Variants in SARM1 observed in about 807,000 individuals in gnomAD.
SARM1 encodes NAD(+) hydrolase SARM1.
In SARM1, 60 loss-of-function variants were observed where a neutral mutation model predicts 65.1. The ratio of observed to expected loss-of-function variants is 0.92; its 90% CI spans 0.75 to 1.14. SARM1 has a LOEUF of 1.14. Ranked by LOEUF, SARM1 falls within the 50% of genes most tolerant of loss-of-function variation. The probability of loss-of-function intolerance (pLI) is 0.00; values close to 1 mark genes in which losing one functional copy is unlikely to be tolerated. For synonymous variants in SARM1, 417 were observed against 465.4 expected (o/e 0.90, Z 1.34); for missense variants, 913 against 1,015.7 (o/e 0.90, Z 1.37).
rs1406088943 is a variant in SARM1, at chr17:28,372,582, C to A, written c.470+80C>A. 1.7e-6 allele frequency: 2 copies of A among 1,144,292 alleles called. No homozygotes were observed. The highest frequency in any genetic ancestry group is 2.7e-5 in the Admixed American group (1 of 37,230). 70.9% of individuals were successfully genotyped at this position (1,144,292 alleles called of 1,614,324 possible). A position where few individuals can be genotyped will look rare whatever the true frequency, so the allele number is the denominator to read the frequency against. On this transcript the variant is annotated intron_variant, in intron 1 of 8. Transcript: ENST00000585482. This position sits in a 1 kb window ranked among gnomAD's most constrained non-coding sequence, Gnocchi z 5.2. ...GCCTGCGTTCCCGTGTGCCTTGCGC[C>A]GTGCCTTTGCCTCCCTCACCTCTCT... is the stretch of plus-strand genomic sequence containing the variant.
At position 28,396,796 on chromosome 17, in the gene SARM1, T is replaced by G; in HGVS notation, c.*510T>G. On this transcript the variant is annotated 3_prime_UTR_variant, in exon 9 of 9. Coordinates refer to ENST00000585482, the MANE Select transcript of SARM1 (RefSeq NM_015077.4). Reference sequence around the variant, plus strand: ...TGTGCCTGGCCCCTGCACTTACAACTTCCTGCCGCTCTGTGGCCTTGCCCT... The same window carrying G: ...TGTGCCTGGCCCCTGCACTTACAACGTCCTGCCGCTCTGTGGCCTTGCCCT... 1 of 156,764 alleles carries G rather than the reference T, an allele frequency of 6.4e-6. No individual in the cohort carries two copies. Among genetic ancestry groups the G allele is most frequent in the Non-Finnish European group, 1.4e-5 (1 of 70,924 alleles). 9.7% of individuals were successfully genotyped at this position (156,764 alleles called of 1,614,324 possible).
chr17:28,395,819 G>A, intron 7 of SARM1, 86 bp from the exon 8 acceptor site: 1 of 1,542,044 alleles, frequency 6.5e-7, no homozygotes, highest in South Asian at 1.1e-5. Context: ...CCAGCCTCGG[G>A]CCAGTGGGCC....
In SARM1 at chr17:28,399,574, G is replaced by T; in HGVS notation, c.*3288G>T. The T allele has an allele frequency of 6.9e-7, 1 of 1,439,614 alleles. No individual in the cohort carries two copies. The highest frequency in any genetic ancestry group is 9.7e-7 in the Non-Finnish European group (1 of 1,025,720). The allele number at this position is 1,439,614 out of a possible 1,614,324, so 89.2% of individuals were successfully genotyped here. A position where few individuals can be genotyped will look rare whatever the true frequency, so the allele number is the denominator to read the frequency against. On this transcript the variant is annotated 3_prime_UTR_variant, in exon 9 of 9. Transcript: ENST00000585482. ...AGACAAGAGTTGCTTGTCCTGCTGT[G>T]GGCTGGGCTTCCAGCTGCAGACCTC...
At position 28,372,069 on chromosome 17, in the gene SARM1, T is replaced by C; in HGVS notation, c.37T>C (p.Cys13Arg). 2 of 1,501,600 alleles carry C rather than the reference T, an allele frequency of 1.3e-6. No homozygotes were observed. Among genetic ancestry groups the C allele is most frequent in the Non-Finnish European group, 1.8e-6 (2 of 1,131,774 alleles). 93.0% of individuals were successfully genotyped at this position (1,501,600 alleles called of 1,614,324 possible). A position where few individuals can be genotyped will look rare whatever the true frequency, so the allele number is the denominator to read the frequency against. ...LTLLLSAYKLCRFFAMSGPRP... is the reference protein window; with the variant it reads ...LTLLLSAYKLRRFFAMSGPRP... ...GCTGCTTCTCTCCGCCTACAAGCTG[T>C]GTCGCTTCTTCGCCATGTCGGGCCC... The change falls in exon 1 of 9, where the codon TGT becomes CGT. Residue 13 changes from cysteine (C) to arginine (R), a missense_variant. This residue lies in a region of SARM1 where 39 missense variants were observed against 32.0 expected (regional missense o/e 1.22). Coordinates refer to ENST00000585482, the MANE Select transcript of SARM1 (RefSeq NM_015077.4). This position sits in a 1 kb window ranked among gnomAD's most constrained non-coding sequence, Gnocchi z 5.2.
chr17:28,381,494 C>T lies in SARM1; in HGVS notation c.762C>T (p.Leu254=). Residue 254 remains leucine (L), a synonymous_variant, in exon 2 of 9, where the codon CTC becomes CTT. Coordinates refer to ENST00000585482, the MANE Select transcript of SARM1 (RefSeq NM_015077.4). Reference sequence around the variant, plus strand: ...TAGAGAAGCGCGCAGCCGAGTGGCTCTTCCCGCTCGCCTTCTCCAAGGAGG... The same window carrying T: ...TAGAGAAGCGCGCAGCCGAGTGGCTTTTCCCGCTCGCCTTCTCCAAGGAGG... ...RMVEKRAAEW[L]FPLAFSKEDE... The T allele has an allele frequency of 1.3e-6, 2 of 1,556,432 alleles. No homozygotes were observed. The highest frequency in any genetic ancestry group is 1.2e-5 in the South Asian group (1 of 84,424).
intron 7 of SARM1, chr17:28,395,697 G>A (rs886052738): frequency 1.8e-6 from 1 of 560,820 alleles, no homozygotes. Context: ...AAGGGTTTTA[G>A]CAGCTCTGTG....
At chr17:28,375,656 CA>C (rs2067984883) in intron 1 of SARM1, among the ~76,000 whole-genome samples, 1 of 148,948 alleles carries the variant, frequency 6.7e-6, no homozygotes, top group Non-Finnish European at 1.5e-5. Context: ...AGTGGAAAAG[CA>C]CACAAAAGGT....
Position 28,400,433 on chromosome 17 carries a change from G to T in SARM1, c.*4147G>T. Reference sequence around the variant, plus strand: ...CCACCTAGCTCGCCATCTCGCCCTTGGAAAATGGCTCCTGGAGGATTAGGC... The same window carrying T: ...CCACCTAGCTCGCCATCTCGCCCTTTGAAAATGGCTCCTGGAGGATTAGGC... On this transcript the variant is annotated 3_prime_UTR_variant, in exon 9 of 9. Transcript: ENST00000585482. 1 of 754,464 alleles carries T rather than the reference G, an allele frequency of 1.3e-6. No homozygotes were observed. Among genetic ancestry groups the T allele is most frequent in the Non-Finnish European group, 2.1e-6 (1 of 478,332 alleles). 46.7% of individuals were successfully genotyped at this position (754,464 alleles called of 1,614,324 possible).
chr17:28,373,255 C>T (rs2067968750), intron 1 of SARM1: 1 of 152,248 alleles, frequency 6.6e-6, no homozygotes. Flanking sequence ...CTGGTTGCCA[C>T]TCTTGCATGT....
At position 28,383,424 on chromosome 17, in the gene SARM1, C is replaced by T. The variant is rs535350494; in HGVS notation, c.1090-933C>T. ...GCTATGTTAGGGGGGTCTCTGGGGC[C>T]TCTTTCAACATCCAGTGTTCTAGGA... is the stretch of plus-strand genomic sequence containing the variant. On this transcript the variant is annotated intron_variant, in intron 2 of 8. Coordinates refer to ENST00000585482, the MANE Select transcript of SARM1 (RefSeq NM_015077.4). Among the ~76,000 whole-genome samples the T allele has an allele frequency of 3.3e-5, 5 of 152,242 alleles. No individual in the cohort carries two copies. The South Asian group carries it at 8.3e-4, about 25-fold the overall frequency.
chr17:28,383,373 C>CA (rs2068033637), intron 2 of SARM1, among the ~76,000 whole-genome samples: 1 of 151,950 alleles, frequency 6.6e-6, no homozygotes, highest in Non-Finnish European at 1.5e-5. Context: ...GGCTCCATCT[C>CA]AAAAAAGAAA....
At chr17:28,391,978 C>T (rs982075998) in intron 7 of SARM1, among the ~76,000 whole-genome samples, 1 of 151,236 alleles carries the variant, frequency 6.6e-6, no homozygotes, top group Non-Finnish European at 1.5e-5. Context: ...GTGCCTGCCT[C>T]GGCTCCCCAA....
chr17:28,375,854 A>G (rs1021474241), intron 1 of SARM1, among the ~76,000 whole-genome samples: 1 of 152,116 alleles, frequency 6.6e-6, no homozygotes, highest in African/African-American at 2.4e-5. Flanking sequence ...GTTCTTCTCA[A>G]CCAGACCCCC....
chr17:28,387,852 G>T, intron 5 of SARM1: 1 of 350,854 alleles, frequency 2.9e-6, no homozygotes, highest in South Asian at 5.2e-5. Context: ...GAAGGAATGA[G>T]GGGGAGATTT....
In SARM1 at chr17:28,396,197, A is replaced by G. The variant is rs782022324; in HGVS notation, c.2086A>G (p.Ile696Val). 8.1e-6 allele frequency: 13 copies of G among 1,613,960 alleles called. No homozygotes were observed. Among genetic ancestry groups the G allele is most frequent in the African/African-American group, 1.3e-5 (1 of 75,042 alleles). Residue 696 changes from isoleucine to valine, a missense_variant, in exon 9 of 9, where the codon ATC becomes GTC. This residue lies in a region of SARM1 where 862 missense variants were observed against 952.1 expected (regional missense o/e 0.91). Coordinates refer to ENST00000585482, the MANE Select transcript of SARM1 (RefSeq NM_015077.4). The part of the protein sequence containing the change: ...EYQEATIEKI[I>V]RFLQGRSSRD... ...CCAGGAGGCCACCATTGAGAAGATC[A>G]TCCGCTTCCTGCAGGGCCGCTCCTC...
In SARM1 at chr17:28,399,108, C is replaced by A. The variant is rs1450180250; in HGVS notation, c.*2822C>A. On this transcript the variant is annotated 3_prime_UTR_variant, in exon 9 of 9. Coordinates refer to ENST00000585482, the MANE Select transcript of SARM1 (RefSeq NM_015077.4). Reference sequence around the variant, plus strand: ...GAGTGGGTAGGCCATAGCCAAGGATCGATTCCCCAACCACAGCAAAGGCAA... The same window carrying A: ...GAGTGGGTAGGCCATAGCCAAGGATAGATTCCCCAACCACAGCAAAGGCAA... 1 of 154,060 alleles carries A rather than the reference C, an allele frequency of 6.5e-6. No individual in the cohort carries two copies. The highest frequency in any genetic ancestry group is 2.4e-5 in the African/African-American group (1 of 41,460). 9.5% of individuals were successfully genotyped at this position (154,060 alleles called of 1,614,324 possible). A position where few individuals can be genotyped will look rare whatever the true frequency, so the allele number is the denominator to read the frequency against.
Position 28,402,358 on chromosome 17 carries a change from TG to T in SARM1, c.*6076del, listed in dbSNP as rs781932073. The T allele has an allele frequency of 3.4e-5, 54 of 1,581,156 alleles. 1 individual carries two copies. In the South Asian group the frequency reaches 5.5e-4, roughly 16 times the overall value. ...CAAACACTCATCAGGAAAATGGGGCTGGGGAGAGGGGCGTCCAAGGGAAAGG... is the reference window on the plus strand; with the variant it reads ...CAAACACTCATCAGGAAAATGGGGCTGGGAGAGGGGCGTCCAAGGGAAAGG... On this transcript the variant is annotated 3_prime_UTR_variant, in exon 9 of 9. Coordinates refer to ENST00000585482, the MANE Select transcript of SARM1 (RefSeq NM_015077.4).
chr17:28,381,362 G>C lies in SARM1; in HGVS notation c.630G>C (p.Ala210=), dbSNP rs781842770. ...QRLVAAGGLD[A]VLYWCRRTDP... ...TGGTGGCGGCCGGCGGCCTGGACGC[G>C]GTGCTGTATTGGTGCCGCCGCACGG... is the stretch of plus-strand genomic sequence containing the variant. Residue 210 remains alanine, a synonymous_variant, in exon 2 of 9, where the codon GCG becomes GCC. Transcript: ENST00000585482. The C allele has an allele frequency of 1.1e-5, 18 of 1,575,124 alleles. No homozygotes were observed. The highest frequency in any genetic ancestry group is 1.5e-5 in the Non-Finnish European group (18 of 1,161,558).
chr17:28,390,917 GA>G (rs1555586772), intron 7 of SARM1, among the ~76,000 whole-genome samples: 2 of 152,194 alleles, frequency 1.3e-5, no homozygotes, highest in African/African-American at 4.8e-5. Flanking sequence ...CTGAGGCTCA[GA>G]AAAGTAGAAT....
Sources: allele counts gnomAD v4.1 joint callset (sites outside exome capture counted in the v4.1 genomes callset), GRCh38; gene constraint gnomAD v4.1.1; regional missense constraint gnomAD v4.1.1; non-coding constraint Gnocchi (gnomAD v3.1); transcripts MANE v1.5; gene names NCBI Gene and HGNC (gene_info 2026-07-23, HGNC 2026-07-21).